Variants in PAPPA observed in about 807,000 individuals in gnomAD.
The protein encoded by PAPPA is pappalysin 1, also known as pappalysin-1.
Under a neutral mutation model 164.0 loss-of-function variants are expected in PAPPA, and 60 were observed. The ratio of observed to expected loss-of-function variants is 0.37; its 90% CI spans 0.30 to 0.45. The LOEUF is 0.45. Among genes scored for constraint, PAPPA ranks in the 20% least tolerant of loss-of-function variants. The pLI, the probability that PAPPA is intolerant of heterozygous loss-of-function variation, is 1.00. For missense variants in PAPPA, 1,782 were observed against 2,087.3 expected (o/e 0.85, Z 2.85); for synonymous variants, 875 against 814.1 (o/e 1.07, Z -1.27).
chr9:116,357,380 A>T (rs1051258137), intron 17 of PAPPA, among the ~76,000 whole-genome samples: 1 of 152,226 alleles, frequency 6.6e-6, no homozygotes, highest in Non-Finnish European at 1.5e-5. Flanking sequence ...CTTAATAATA[A>T]CAGCTTTCTT....
At chr9:116,298,859 TG>T (rs5900199) in intron 9 of PAPPA, among the ~76,000 whole-genome samples, 11,370 of 152,338 alleles carry the variant, frequency 0.075, 566 homozygotes, top group Admixed American at 0.13. Flanking sequence ...TATTTGACCT[TG>T]GTATTGACTT....
chr9:116,362,518 G>A (rs1279248842), intron 17 of PAPPA, 74 bp from the exon 18 acceptor site: 60 of 1,479,280 alleles, frequency 4.1e-5, no homozygotes, highest in Non-Finnish European at 2.4e-5. Context: ...ATTCTTTTCT[G>A]TTGTATTCAG....
intron 10 of PAPPA, among the ~76,000 whole-genome samples, chr9:116,330,604 TGTGTGTGC>T (rs1359027905): frequency 6.6e-6 from 1 of 151,148 alleles, no homozygotes; most frequent in African/African-American, 2.4e-5. Context: ...TGTGTGTGTG[TGTGTGTGC>T]GTGTGTGTGT....
At chr9:116,289,610 A>T (rs760165594) in intron 9 of PAPPA, among the ~76,000 whole-genome samples, 1 of 152,032 alleles carries the variant, frequency 6.6e-6, no homozygotes, top group Admixed American at 6.6e-5. Flanking sequence ...TAATCTTTCT[A>T]AGTTTCAGTT....
At chr9:116,270,431 A>G (rs1845123033) in intron 8 of PAPPA, among the ~76,000 whole-genome samples, 1 of 152,244 alleles carries the variant, frequency 6.6e-6, no homozygotes, top group Admixed American at 6.5e-5. Context: ...ATTATAATTC[A>G]TTTCAATTAA....
intron 11 of PAPPA, 97 bp from the exon 12 acceptor site, chr9:116,332,235 TA>T: frequency 3.8e-6 from 4 of 1,064,428 alleles, no homozygotes; most frequent in Middle Eastern, 3.2e-4. Flanking sequence ...GCCCAGTTCT[TA>T]AAAAGGAAGT....
At chr9:116,241,193 T>A (rs1844731198) in intron 7 of PAPPA, among the ~76,000 whole-genome samples, 1 of 152,214 alleles carries the variant, frequency 6.6e-6, no homozygotes, top group Non-Finnish European at 1.5e-5. Flanking sequence ...TTAATTCACT[T>A]GCTCAGCAAG....
At chr9:116,276,868 AGAG>A (rs1845205546) in intron 9 of PAPPA, among the ~76,000 whole-genome samples, 2 of 152,230 alleles carry the variant, frequency 1.3e-5, no homozygotes, top group African/African-American at 2.4e-5. Flanking sequence ...GACATCGAGG[AGAG>A]GAGAAGAATC....
intron 9 of PAPPA, chr9:116,285,688 T>G (rs1308520380): frequency 6.6e-6 from 1 of 152,248 alleles, no homozygotes; most frequent in Non-Finnish European, 1.5e-5. Flanking sequence ...ATCATTTACA[T>G]ATCTCCCCTC....
At chr9:116,391,825 C>T (rs1715014682) in intron 21 of PAPPA, among the ~76,000 whole-genome samples, 1 of 152,172 alleles carries the variant, frequency 6.6e-6, no homozygotes, top group African/African-American at 2.4e-5. Context: ...GGTGTTCATG[C>T]TGTGGGTGGT....
intron 7 of PAPPA, among the ~76,000 whole-genome samples, chr9:116,260,901 T>C (rs1157134984): frequency 6.6e-6 from 1 of 152,234 alleles, no homozygotes; most frequent in Non-Finnish European, 1.5e-5. Flanking sequence ...GGTCTTTGTA[T>C]GTAAGGTCTT....
At chr9:116,272,325 T>A (rs2118827613) in intron 9 of PAPPA, among the ~76,000 whole-genome samples, 1 of 152,310 alleles carries the variant, frequency 6.6e-6, no homozygotes, top group African/African-American at 2.4e-5. Flanking sequence ...ACAGAGGTGC[T>A]CTATCTGAAG....
Position 116,153,796 on chromosome 9 carries a change from A to ATTT in PAPPA, c.-376_-375insTTT, listed in dbSNP as rs1843562313. 7.4e-6 allele frequency: 1 copy of ATTT among 135,828 alleles called. No homozygotes were observed. Among genetic ancestry groups the ATTT allele is most frequent in the Non-Finnish European group, 1.6e-5 (1 of 63,730 alleles). 8.4% of individuals were successfully genotyped at this position (135,828 alleles called of 1,614,324 possible). A position where few individuals can be genotyped will look rare whatever the true frequency, so the allele number is the denominator to read the frequency against. Reference sequence around the variant, plus strand: ...ACGCAAAAAATAAATAAATTAGAGCATCTTTTGGGGGGAGGGAATTCAGCG... The same window carrying ATTT: ...ACGCAAAAAATAAATAAATTAGAGCATTTTCTTTTGGGGGGAGGGAATTCAGCG... On this transcript the variant is annotated 5_prime_UTR_variant, in exon 1 of 22. Transcript: ENST00000328252.
At chr9:116,365,412 A>G (rs1846487037) in intron 18 of PAPPA, among the ~76,000 whole-genome samples, 1 of 152,104 alleles carries the variant, frequency 6.6e-6, no homozygotes, top group Non-Finnish European at 1.5e-5. Flanking sequence ...AATGGCTCAT[A>G]TATCACAACA....
Position 116,363,434 on chromosome 9 carries a change from G to A in PAPPA, c.4495+695G>A, listed in dbSNP as rs527545086. On this transcript the variant is annotated intron_variant, in intron 18 of 21. Transcript: ENST00000328252. ...TCTTTGCATGGTGACAGGCCAGCTCGAGAAATACACACAGTGAGAAGAGAC... is the reference window on the plus strand; with the variant it reads ...TCTTTGCATGGTGACAGGCCAGCTCAAGAAATACACACAGTGAGAAGAGAC... Among the ~76,000 whole-genome samples, 14 of 152,286 alleles carry A rather than the reference G, an allele frequency of 9.2e-5. No homozygotes were observed. The South Asian group carries it at 2.7e-3, about 29-fold the overall frequency.
At chr9:116,319,856 A>G (rs1484904382) in intron 10 of PAPPA, among the ~76,000 whole-genome samples, 3 of 152,178 alleles carry the variant, frequency 2.0e-5, no homozygotes, top group Admixed American at 2.0e-4. Context: ...AATGTGGGGA[A>G]TCTATGTTTG....
chr9:116,359,088 C>G (rs1175981612), intron 17 of PAPPA, among the ~76,000 whole-genome samples: 3 of 152,198 alleles, frequency 2.0e-5, no homozygotes, highest in African/African-American at 7.2e-5. Flanking sequence ...ATCTACCCAG[C>G]TGGGAAGTTG....
Position 116,265,926 on chromosome 9 carries a change from A to G in PAPPA, c.2802A>G (p.Pro934=), listed in dbSNP as rs750670839. 2 of 1,612,922 alleles carry G rather than the reference A, an allele frequency of 1.2e-6. No individual in the cohort carries two copies. Among genetic ancestry groups the G allele is most frequent in the Non-Finnish European group, 1.7e-6 (2 of 1,178,906 alleles). The change falls in exon 8 of 22, where the codon CCA becomes CCG. Residue 934 remains proline, a synonymous_variant. Coordinates refer to ENST00000328252, the MANE Select transcript of PAPPA (RefSeq NM_002581.5). ...ITISGTEESE[P]SPAVTYIHGS... ...TTTCAGGAACTGAAGAGAGTGAGCC[A>G]TCACCTGCTGTCACATACATCCATG... is the stretch of plus-strand genomic sequence containing the variant.
intron 9 of PAPPA, among the ~76,000 whole-genome samples, chr9:116,284,787 A>C (rs1040523607): frequency 6.6e-6 from 1 of 152,028 alleles, no homozygotes; most frequent in Admixed American, 6.5e-5. Flanking sequence ...CATCCAAATA[A>C]TTGCCATTCT....
Sources: gnomAD v4.1 joint callset for allele counts (sites outside exome capture counted in the v4.1 genomes callset) on GRCh38, gnomAD v4.1.1 for gene constraint, MANE v1.5 for transcripts, NCBI Gene and HGNC (gene_info 2026-07-23, HGNC 2026-07-21) for gene names.